MCM6: variants seen among roughly 807,000 people sequenced by gnomAD.
MCM6 encodes the protein minichromosome maintenance complex component 6, also known as DNA replication licensing factor MCM6.
Under a neutral mutation model 94.3 loss-of-function variants are expected in MCM6, and 46 were observed. That is an observed-to-expected ratio of 0.49 (90% CI 0.39 to 0.62). The LOEUF (loss-of-function observed/expected upper bound fraction) is 0.62, where lower values mean the gene tolerates loss of function less well. MCM6 is among the 20% of genes least tolerant of loss of function. The probability of loss-of-function intolerance (pLI) is 0.00; values close to 1 mark genes in which losing one functional copy is unlikely to be tolerated. For synonymous variants in MCM6, 335 were observed against 351.9 expected (o/e 0.95, Z 0.54); for missense variants, 865 against 1,017.9 (o/e 0.85, Z 2.04).
chr2:135,873,647 ACG>A, intron 1 of MCM6, among the ~76,000 whole-genome samples: 1 of 129,194 alleles, frequency 7.7e-6, no homozygotes, highest in Non-Finnish European at 1.9e-5. Flanking sequence ...TTAAACAACT[ACG>A]TGCAAAGCCC....
intron 3 of MCM6, among the ~76,000 whole-genome samples, chr2:135,869,302 G>A (rs1228344976): frequency 4.0e-5 from 6 of 151,690 alleles, no homozygotes; most frequent in Non-Finnish European, 8.8e-5. Context: ...TCGGGGAGCC[G>A]AGGCAGGAGA....
At chr2:135,841,079 C>G (rs1679561860) in intron 16 of MCM6, 128 bp from the exon 17 acceptor site, 3 of 696,360 alleles carry the variant, frequency 4.3e-6, no homozygotes, top group Non-Finnish European at 7.5e-6. Context: ...CTAGAAACTC[C>G]TAGGAAAAGG....
At chr2:135,865,219 A>T in intron 6 of MCM6, 56 bp from the exon 7 acceptor site, 1 of 1,252,824 alleles carries the variant, frequency 8.0e-7, no homozygotes, top group Middle Eastern at 2.1e-4. Context: ...AAAAGAGCAT[A>T]AAGGAGAAGA....
intron 8 of MCM6, 54 bp downstream of exon 8, chr2:135,862,553 G>T (rs957615070): frequency 6.2e-7 from 1 of 1,601,522 alleles, no homozygotes; most frequent in Non-Finnish European, 8.5e-7. Flanking sequence ...AGCACAGCCA[G>T]CCTGGGAACT....
rs571436218 is a variant in MCM6, at chr2:135,867,233, T to TA, written c.616-506dup. On this transcript the variant is annotated intron_variant, in intron 4 of 16. Transcript: ENST00000264156. ...ATATTTTAGCATTCATCTCTAAGAA[T>TA]AAAGACAATCCTGTTACAATATCAT... Among the ~76,000 whole-genome samples, 42 of 152,326 alleles carry TA rather than the reference T, an allele frequency of 2.8e-4. No homozygotes were observed. In the East Asian group the frequency reaches 7.7e-3, roughly 28 times the overall value.
At chr2:135,876,026 C>A (rs1207741579) in intron 1 of MCM6, among the ~76,000 whole-genome samples, 1 of 152,248 alleles carries the variant, frequency 6.6e-6, no homozygotes, top group Non-Finnish European at 1.5e-5. Context: ...GCGCTGAGCA[C>A]TGGGCACGAG....
At position 135,871,878 on chromosome 2, in the gene MCM6, T is replaced by A. The variant is rs191560403; in HGVS notation, c.254+819A>T. On this transcript the variant is annotated intron_variant, in intron 2 of 16. Coordinates refer to ENST00000264156, the MANE Select transcript of MCM6 (RefSeq NM_005915.6). ...ATGACGGTGGTGGATTACAAGTGTA[T>A]AAGCAATTTAATTCTCCTTACTCTT... 1.9e-4 allele frequency among the ~76,000 whole-genome samples: 29 copies of A among 152,306 alleles called. 1 individual carries two copies. The East Asian group carries it at 5.4e-3, about 28-fold the overall frequency.
At chr2:135,875,388 G>A (rs917186513) in intron 1 of MCM6, among the ~76,000 whole-genome samples, 2 of 152,094 alleles carry the variant, frequency 1.3e-5, no homozygotes, top group African/African-American at 4.8e-5. Flanking sequence ...TTTGGAGATG[G>A]GAGAGTGGTG....
At chr2:135,859,731 T>C (rs149487998) in intron 8 of MCM6, among the ~76,000 whole-genome samples, 1 of 152,086 alleles carries the variant, frequency 6.6e-6, no homozygotes, top group East Asian at 1.9e-4. Flanking sequence ...GCCTCCCGAG[T>C]AGCTAGGATT....
At chr2:135,870,667 T>C (rs1324657383) in intron 2 of MCM6, among the ~76,000 whole-genome samples, 1 of 152,212 alleles carries the variant, frequency 6.6e-6, no homozygotes, top group South Asian at 2.1e-4. Flanking sequence ...TGAACAATCA[T>C]CTTGTCAATA....
chr2:135,853,262 C>T (rs1679810124), intron 11 of MCM6, among the ~76,000 whole-genome samples: 1 of 152,130 alleles, frequency 6.6e-6, no homozygotes, highest in African/African-American at 2.4e-5. Flanking sequence ...GTCAGGGCGA[C>T]AAACTGAGAC....
intron 2 of MCM6, among the ~76,000 whole-genome samples, chr2:135,872,421 C>T (rs1680217771): frequency 6.6e-6 from 1 of 152,038 alleles, no homozygotes; most frequent in African/African-American, 2.4e-5. Flanking sequence ...GCATTTCGGC[C>T]TAGGTGTGAC....
At chr2:135,861,809 G>A (rs560188080) in intron 8 of MCM6, among the ~76,000 whole-genome samples, 6 of 152,192 alleles carry the variant, frequency 3.9e-5, no homozygotes, top group South Asian at 4.1e-4. Flanking sequence ...GTAGAGACGG[G>A]GTTTCACCGT....
In MCM6 at chr2:135,866,666, T is replaced by C. The variant is rs769720616; in HGVS notation, c.678A>G (p.Val226=). The change falls in exon 5 of 17, where the codon GTA becomes GTG. Residue 226 remains valine (V), a synonymous_variant. Transcript: ENST00000264156. ...ATTCCACAGCTTCAGCCCTTAAAAT[T>C]ACTTCTAAACTGCGGGGGATACTCC... ...PRGSIPRSLE[V]ILRAEAVESA... is the part of the protein sequence containing the mutation. 2.5e-6 allele frequency: 4 copies of C among 1,614,170 alleles called. No homozygotes were observed. The highest frequency in any genetic ancestry group is 3.3e-5 in the Admixed American group (2 of 59,994).
intron 11 of MCM6, 47 bp from the exon 12 acceptor site, chr2:135,852,962 C>T: frequency 6.6e-7 from 1 of 1,520,006 alleles, no homozygotes. Context: ...GCAATATCTT[C>T]TCCAGACTAT....
chr2:135,860,449 A>G (rs1223880397), intron 8 of MCM6, among the ~76,000 whole-genome samples: 2 of 152,222 alleles, frequency 1.3e-5, no homozygotes, highest in Non-Finnish European at 2.9e-5. Flanking sequence ...ATCAATTTTA[A>G]AAGAAGTCTT....
At chr2:135,849,206 G>T (rs1286175423) in intron 13 of MCM6, among the ~76,000 whole-genome samples, 1 of 152,152 alleles carries the variant, frequency 6.6e-6, no homozygotes, top group East Asian at 1.9e-4. Flanking sequence ...TGAAATGTGA[G>T]TATGTGTCAT....
intron 9 of MCM6, 115 bp downstream of exon 9, chr2:135,859,186 C>T (rs1268680352): frequency 2.3e-6 from 2 of 864,848 alleles, no homozygotes; most frequent in Non-Finnish European, 3.5e-6. Context: ...AGCCACCGCG[C>T]CCAGCTGAGA....
intron 2 of MCM6, among the ~76,000 whole-genome samples, chr2:135,870,704 T>C (rs114755927): frequency 6.6e-6 from 1 of 152,318 alleles, no homozygotes; most frequent in African/African-American, 2.4e-5. Context: ...GAATTTTCTG[T>C]GGGCTGTTTA....
Sources: allele counts gnomAD v4.1 joint callset (sites outside exome capture counted in the v4.1 genomes callset), GRCh38; gene constraint gnomAD v4.1.1; transcripts MANE v1.5; gene names NCBI Gene and HGNC (gene_info 2026-07-23, HGNC 2026-07-21).